Variants in TMEM154 observed in about 807,000 individuals in gnomAD.
The protein encoded by TMEM154 is transmembrane protein 154.
A neutral mutation model predicts 24.5 loss-of-function variants in TMEM154; 27 were observed. The observed-to-expected ratio is 1.10, with a 90% CI of 0.81 to 1.52. TMEM154 has a LOEUF of 1.52. Ranked by LOEUF, TMEM154 falls within the 40% of genes most tolerant of loss-of-function variation. TMEM154 has a pLI of 0.00. For synonymous variants in TMEM154, 67 were observed against 76.8 expected, an observed-to-expected ratio of 0.87 and a Z score of 0.67; for missense variants, 228 against 213.4, an observed-to-expected ratio of 1.07 and a Z score of -0.43.
intron 6 of TMEM154, among the ~76,000 whole-genome samples, chr4:152,635,711 G>A (rs1353384012): frequency 6.6e-6 from 1 of 152,120 alleles, no homozygotes; most frequent in Non-Finnish European, 1.5e-5. Flanking sequence ...AGAATAAACA[G>A]TAGAATTATT....
Position 152,643,110 on chromosome 4 carries a change from C to T in TMEM154, c.456G>A (p.Trp152Ter). 6.2e-7 allele frequency: 1 copy of T among 1,613,164 alleles called. No individual in the cohort carries two copies. The highest frequency in any genetic ancestry group is 8.5e-7 in the Non-Finnish European group (1 of 1,179,760). ...MEIEMEELDK[W>*]MNSMNRNADF... ...TACCATTTCTATTCATGCTGTTCAT[C>T]CATTTATCAAGCTCTTCCATTTCAA... Residue 152 changes from tryptophan (W) to a stop codon, truncating the protein, a stop_gained, in exon 5 of 7, where the codon TGG (tryptophan) becomes TGA (stop). Transcript: ENST00000304385. LOFTEE classifies it high-confidence loss of function.
intron 1 of TMEM154, among the ~76,000 whole-genome samples, chr4:152,672,135 C>T (rs542518015): frequency 7.4e-5 from 11 of 149,024 alleles, no homozygotes; most frequent in Admixed American, 7.4e-4. Context: ...GGTGTAGTGG[C>T]ATGCGCCTGT....
chr4:152,661,332 CT>C (rs1728605507), intron 1 of TMEM154, among the ~76,000 whole-genome samples: 3 of 137,842 alleles, frequency 2.2e-5, no homozygotes, highest in Admixed American at 7.2e-5. Context: ...CTCTCTCTCT[CT>C]CTCTCTCTCC....
At chr4:152,651,908 T>C (rs140375913) in intron 3 of TMEM154, among the ~76,000 whole-genome samples, 1 of 152,296 alleles carries the variant, frequency 6.6e-6, no homozygotes, top group African/African-American at 2.4e-5. Flanking sequence ...TTACATGCCA[T>C]TGTAGGGTTA....
chr4:152,628,564 G>GCA lies in TMEM154; in HGVS notation c.537-4_537-3insTG, dbSNP rs1751958836. 4.1e-6 allele frequency: 1 copy of GCA among 245,810 alleles called. No homozygotes were observed. Among genetic ancestry groups the GCA allele is most frequent in the Non-Finnish European group, 7.0e-6 (1 of 143,040 alleles). 15.2% of individuals were successfully genotyped at this position (245,810 alleles called of 1,614,324 possible). ...TTCAGGTTTAGGATTCACTGTCACT[G>GCA]TAAAAAAAAAAAAAAAAAAAAAAAA... On this transcript the variant is annotated splice_region_variant and splice_polypyrimidine_tract_variant and intron_variant, in intron 6 of 6. Transcript: ENST00000304385.
chr4:152,629,143 T>C (rs1561042983), intron 6 of TMEM154, among the ~76,000 whole-genome samples: 1 of 152,228 alleles, frequency 6.6e-6, no homozygotes, highest in Non-Finnish European at 1.5e-5. Context: ...TTTCTCCTCA[T>C]AGCCCTCCCC....
intron 6 of TMEM154, 44 bp downstream of exon 6, chr4:152,640,884 C>A (rs770373310): frequency 1.7e-6 from 2 of 1,200,420 alleles, no homozygotes; most frequent in Admixed American, 1.8e-5. Context: ...AATCCCCCCG[C>A]CCCCCGCCAT....
rs983115145 is a variant in TMEM154 at position 152,622,826 on chromosome 4, C to T, written c.*5720G>A. Reference sequence around the variant, plus strand: ...TTTACAAATTAGTTCTAATCCGTAGCAATGGGACCATTTCTTTTTCTTTTC... The same window carrying T: ...TTTACAAATTAGTTCTAATCCGTAGTAATGGGACCATTTCTTTTTCTTTTC... On this transcript the variant is annotated 3_prime_UTR_variant, in exon 7 of 7. Coordinates refer to ENST00000304385, the MANE Select transcript of TMEM154 (RefSeq NM_152680.3). 6 of 152,144 alleles carry T rather than the reference C, an allele frequency of 3.9e-5. No individual in the cohort carries two copies. The highest frequency in any genetic ancestry group is 1.4e-4 in the African/African-American group (6 of 41,430). The allele number at this position is 152,144 out of a possible 1,614,324, so 9.4% of individuals were successfully genotyped here. A position where few individuals can be genotyped will look rare whatever the true frequency, so the allele number is the denominator to read the frequency against.
At chr4:152,635,023 G>A (rs4696140) in intron 6 of TMEM154, among the ~76,000 whole-genome samples, 151 of 152,182 alleles carry the variant, frequency 9.9e-4, no homozygotes, top group African/African-American at 3.2e-3. Context: ...ATCTATATAC[G>A]TTTAAATGAC....
intron 1 of TMEM154, among the ~76,000 whole-genome samples, chr4:152,661,521 G>A (rs1418238954): frequency 6.6e-6 from 1 of 152,112 alleles, no homozygotes; most frequent in Non-Finnish European, 1.5e-5. Flanking sequence ...TTGCCCTGGG[G>A]TGCAATCCTG....
intron 1 of TMEM154, 151 bp downstream of exon 1, chr4:152,679,719 C>T: frequency 8.6e-7 from 1 of 1,156,952 alleles, no homozygotes; most frequent in Non-Finnish European, 1.3e-6. Context: ...TCCCACCCCC[C>T]AAAAAAAGGA....
intron 6 of TMEM154, among the ~76,000 whole-genome samples, chr4:152,640,154 T>C (rs187717262): frequency 1.9e-4 from 29 of 152,300 alleles, no homozygotes; most frequent in African/African-American, 6.7e-4. Context: ...TGAAGGTTTA[T>C]TCCATTTATT....
chr4:152,648,375 G>A (rs1286775173), intron 3 of TMEM154, among the ~76,000 whole-genome samples: 1 of 151,954 alleles, frequency 6.6e-6, no homozygotes, highest in African/African-American at 2.4e-5. Context: ...CAGGCCTGTG[G>A]TACCAGCTAC....
At chr4:152,649,178 C>A (rs1728325470) in intron 3 of TMEM154, among the ~76,000 whole-genome samples, 2 of 152,230 alleles carry the variant, frequency 1.3e-5, no homozygotes, top group Non-Finnish European at 2.9e-5. Context: ...GGTGCCCTGT[C>A]ATGGGTGTGA....
chr4:152,657,005 G>T lies in TMEM154; in HGVS notation c.65-4078C>A, dbSNP rs570036753. 3.3e-4 allele frequency among the ~76,000 whole-genome samples: 50 copies of T among 150,946 alleles called. 1 individual carries two copies. The highest frequency in any genetic ancestry group is 1.2e-3 in the African/African-American group (50 of 41,018). On this transcript the variant is annotated intron_variant, in intron 1 of 6. Transcript: ENST00000304385. ...ATAAAAAAGAACCAAACAAATTCTG[G>T]ACCTGAAGAATTCATAAAATAAAAT...
At chr4:152,647,131 T>C (rs1009871736) in intron 3 of TMEM154, 1 of 1,463,614 alleles carries the variant, frequency 6.8e-7, no homozygotes, top group East Asian at 2.5e-5. Flanking sequence ...TCCTCTCCCA[T>C]TGTCAAATTT....
intron 5 of TMEM154, among the ~76,000 whole-genome samples, chr4:152,642,676 TTATC>T (rs1296697012): frequency 1.3e-5 from 2 of 152,218 alleles, no homozygotes; most frequent in Non-Finnish European, 2.9e-5. Flanking sequence ...CATTTGGTGA[TTATC>T]TATTACGTTG....
rs4290878 is a variant in TMEM154, at chr4:152,626,301, G to T, written c.*2245C>A. On this transcript the variant is annotated 3_prime_UTR_variant, in exon 7 of 7. Coordinates refer to ENST00000304385, the MANE Select transcript of TMEM154 (RefSeq NM_152680.3). Reference sequence around the variant, plus strand: ...GGGCAAATTAGTGAGGGTTTTTTTGGTTTTTGTTTTGTTTTTTTAACAATA... The same window carrying T: ...GGGCAAATTAGTGAGGGTTTTTTTGTTTTTTGTTTTGTTTTTTTAACAATA... 145,365 of 152,620 alleles carry T rather than the reference G, an allele frequency of 0.95. 69,338 individuals carry two copies. The highest frequency in any genetic ancestry group is 0.98 in the Non-Finnish European group (66,383 of 68,018). 9.5% of individuals were successfully genotyped at this position (152,620 alleles called of 1,614,324 possible).
rs1372993908 is a variant in TMEM154, at chr4:152,620,140, G to T, written c.*8406C>A. ...CTGTGAAGAGGCAACATGCCAGTCT[G>T]CTTGAATGTCTTTCCAATTCTAGCA... is the stretch of plus-strand genomic sequence containing the variant. On this transcript the variant is annotated 3_prime_UTR_variant, in exon 7 of 7. Coordinates refer to ENST00000304385, the MANE Select transcript of TMEM154 (RefSeq NM_152680.3). The T allele has an allele frequency of 6.6e-6, 1 of 152,206 alleles. No individual in the cohort carries two copies. The highest frequency in any genetic ancestry group is 1.5e-5 in the Non-Finnish European group (1 of 68,080). The allele number at this position is 152,206 out of a possible 1,614,324, so 9.4% of individuals were successfully genotyped here.
Sources: gnomAD v4.1 joint callset for allele counts (sites outside exome capture counted in the v4.1 genomes callset) on GRCh38, gnomAD v4.1.1 for gene constraint, MANE v1.5 for transcripts, NCBI Gene and HGNC (gene_info 2026-07-23, HGNC 2026-07-21) for gene names.